CCDC39: variants seen among roughly 807,000 people sequenced by gnomAD.
CCDC39 encodes coiled-coil domain-containing protein 39.
In CCDC39, 113 loss-of-function variants were observed where a neutral mutation model predicts 121.0. The ratio of observed to expected loss-of-function variants is 0.93; its 90% CI spans 0.80 to 1.09. The LOEUF is 1.09. CCDC39 is among the 50% of genes least tolerant of loss of function. The pLI is 0.00. For synonymous variants in CCDC39, 349 were observed against 352.2 expected, an observed-to-expected ratio of 0.99 and a Z score of 0.10; for missense variants, 1,063 against 1,074.7, an observed-to-expected ratio of 0.99 and a Z score of 0.15.
chr3:180,635,253 A>T (rs961629369), intron 13 of CCDC39, among the ~76,000 whole-genome samples: 3 of 152,160 alleles, frequency 2.0e-5, no homozygotes, highest in African/African-American at 7.2e-5. Context: ...TCGACATGAG[A>T]TTACAATTGT....
intron 6 of CCDC39, among the ~76,000 whole-genome samples, chr3:180,657,929 C>T (rs1711623927): frequency 6.6e-6 from 1 of 152,102 alleles, no homozygotes; most frequent in African/African-American, 2.4e-5. Context: ...TGTTTGAAAG[C>T]AATGAGAAGT....
intron 14 of CCDC39, among the ~76,000 whole-genome samples, chr3:180,623,962 G>A (rs1459225326): frequency 6.6e-6 from 1 of 152,058 alleles, no homozygotes; most frequent in Admixed American, 6.6e-5. Flanking sequence ...TCTAAAGCCC[G>A]ATTTAAGTCC....
At chr3:180,672,844 A>G (rs1363113273) in intron 1 of CCDC39, among the ~76,000 whole-genome samples, 2 of 152,244 alleles carry the variant, frequency 1.3e-5, no homozygotes, top group Non-Finnish European at 2.9e-5. Flanking sequence ...GAAAGGATTT[A>G]TCATTATTGA....
At chr3:180,626,040 G>A (rs964337576) in intron 14 of CCDC39, among the ~76,000 whole-genome samples, 1 of 152,046 alleles carries the variant, frequency 6.6e-6, no homozygotes. Context: ...GGCAGCTGGT[G>A]TGATGCAGGT....
intron 6 of CCDC39, among the ~76,000 whole-genome samples, chr3:180,658,020 G>C (rs541764545): frequency 3.3e-5 from 5 of 149,902 alleles, no homozygotes; most frequent in African/African-American, 1.2e-4. Context: ...GATTGCCTGC[G>C]GTCAGGAGTT....
chr3:180,619,761 A>G, intron 15 of CCDC39, 50 bp downstream of exon 15: 3 of 1,106,156 alleles, frequency 2.7e-6, no homozygotes, highest in Non-Finnish European at 2.5e-6. Flanking sequence ...CCTTTTAACT[A>G]TACACTCGTC....
At chr3:180,670,312 G>GGTGTGT (rs34194996) in intron 1 of CCDC39, among the ~76,000 whole-genome samples, 3 of 148,292 alleles carry the variant, frequency 2.0e-5, no homozygotes, top group African/African-American at 4.9e-5. Context: ...GTATGGAAGG[G>GGTGTGT]GTGTGTGTGT....
At chr3:180,638,511 C>A (rs1385869385) in intron 13 of CCDC39, among the ~76,000 whole-genome samples, 1 of 152,012 alleles carries the variant, frequency 6.6e-6, no homozygotes, top group Non-Finnish European at 1.5e-5. Context: ...AAACAAAACA[C>A]ATACGTAATT....
rs201308407 is a variant in CCDC39 at position 180,663,915 on chromosome 3, A to G, written c.162T>C (p.Ser54=). Residue 54 remains serine, a synonymous_variant, in exon 2 of 20, where the codon TCT becomes TCC. Transcript: ENST00000476379. ...TAACATTTTTGAAGTGAGAAGTCAT[A>G]GAATTAATTCGCTCTTCATACTCAC... is the stretch of plus-strand genomic sequence containing the variant. ...ELREYEERIN[S]MTSHFKNVKQ... 8.6e-5 allele frequency: 138 copies of G among 1,612,186 alleles called. 1 individual carries two copies. In the African/African-American group the frequency reaches 1.6e-3, roughly 19 times the overall value.
Position 180,648,193 on chromosome 3 carries a change from A to C in CCDC39, c.1334T>G (p.Leu445Trp), listed in dbSNP as rs184796738. ...GCTGTACATAATTTCTTGCTGCTTC[A>C]AGGTTTCAAAATCCAGTTTTTGTAA... is the stretch of plus-strand genomic sequence containing the variant. ...HQLQKLDFETLKQQEIMYSQD... is the reference protein window; with the variant it reads ...HQLQKLDFETWKQQEIMYSQD... Residue 445 changes from leucine to tryptophan, a missense_variant, in exon 10 of 20, where the codon TTG becomes TGG. Physicochemically the swap from Leu to Trp is moderately conservative, Grantham distance 61. Transcript: ENST00000476379. 4 of 1,613,316 alleles carry C rather than the reference A, an allele frequency of 2.5e-6. No individual in the cohort carries two copies. The African/African-American group carries it at 5.3e-5, about 22-fold the overall frequency.
chr3:180,616,919 A>G lies in CCDC39; in HGVS notation c.2313T>C (p.Val771=). The stretch of plus-strand genomic sequence containing the variant: ...CCTGCTTCTCTGATAACTTTTCTTT[A>G]ACATTATTTGCCAAATGTTCTATAA... ...LDVIEHLANN[V]KEKLSEKQAY... The change falls in exon 17 of 20, where the codon GTT becomes GTC. Residue 771 remains valine, a synonymous_variant. Transcript: ENST00000476379. 6.5e-7 allele frequency: 1 copy of G among 1,533,930 alleles called. No individual in the cohort carries two copies. The highest frequency in any genetic ancestry group is 9.0e-7 in the Non-Finnish European group (1 of 1,115,702).
intron 1 of CCDC39, among the ~76,000 whole-genome samples, chr3:180,664,686 A>G (rs918048440): frequency 2.6e-5 from 4 of 151,068 alleles, no homozygotes; most frequent in African/African-American, 9.8e-5. Flanking sequence ...CCATTATTAA[A>G]CCACAAGAGA....
chr3:180,622,020 T>C lies in CCDC39; in HGVS notation c.1999-2050A>G, dbSNP rs111350344. 7.1e-3 allele frequency among the ~76,000 whole-genome samples: 1,074 copies of C among 152,234 alleles called. 25 individuals are homozygous for C. Among genetic ancestry groups the C allele is most frequent in the African/African-American group, 0.024 (985 of 41,574 alleles). ...CTGTAGATTCCTTTGGGCACCATGG[T>C]CATTTTACCAATATTAATTCTTCCA... On this transcript the variant is annotated intron_variant, in intron 14 of 19. Coordinates refer to ENST00000476379, the MANE Select transcript of CCDC39 (RefSeq NM_181426.2).
At position 180,677,168 on chromosome 3, in the gene CCDC39, T is replaced by TTATATATATATATATA. The variant is rs58408770; in HGVS notation, c.90+2107_90+2122dup. On this transcript the variant is annotated intron_variant, in intron 1 of 19. Coordinates refer to ENST00000476379, the MANE Select transcript of CCDC39 (RefSeq NM_181426.2). The stretch of plus-strand genomic sequence containing the variant: ...TATAATAATAATAATAATAATAATT[T>TTATATATATATATATA]TATATATATATATATATATATATAT... Among the ~76,000 whole-genome samples the TTATATATATATATATA allele has an allele frequency of 3.7e-4, 13 of 35,176 alleles. 1 individual carries two copies. Among genetic ancestry groups the TTATATATATATATATA allele is most frequent in the Non-Finnish European group, 4.3e-4 (8 of 18,758 alleles). 23.1% of individuals were successfully genotyped at this position (35,176 alleles called of 152,430 possible). A position where few individuals can be genotyped will look rare whatever the true frequency, so the allele number is the denominator to read the frequency against.
At chr3:180,634,515 G>C (rs1717780317) in intron 13 of CCDC39, among the ~76,000 whole-genome samples, 1 of 152,056 alleles carries the variant, frequency 6.6e-6, no homozygotes, top group Non-Finnish European at 1.5e-5. Flanking sequence ...GGAGACAAAA[G>C]ACCCTCAGCC....
chr3:180,642,901 A>T (rs1012288301), intron 12 of CCDC39, among the ~76,000 whole-genome samples: 4 of 152,188 alleles, frequency 2.6e-5, no homozygotes, highest in African/African-American at 9.6e-5. Flanking sequence ...TGTGTCACAA[A>T]CACTGAATAA....
intron 1 of CCDC39, among the ~76,000 whole-genome samples, chr3:180,670,488 T>C (rs1183063942): frequency 6.6e-6 from 1 of 152,166 alleles, no homozygotes; most frequent in Admixed American, 6.5e-5. Flanking sequence ...AAAGATTTGG[T>C]TAAACCAATA....
chr3:180,632,670 G>A (rs558545640), intron 13 of CCDC39, among the ~76,000 whole-genome samples: 2 of 151,992 alleles, frequency 1.3e-5, no homozygotes, highest in East Asian at 3.8e-4. Context: ...CTGAGAATCA[G>A]AAAGGTACAA....
intron 13 of CCDC39, among the ~76,000 whole-genome samples, chr3:180,640,821 C>CT (rs971056445): frequency 6.6e-5 from 10 of 151,668 alleles, no homozygotes; most frequent in South Asian, 2.1e-4. Flanking sequence ...CTCCCAATGG[C>CT]TTTTTTTTCC....
Sources: gnomAD v4.1 joint callset for allele counts (sites outside exome capture counted in the v4.1 genomes callset) on GRCh38, gnomAD v4.1.1 for gene constraint, MANE v1.5 for transcripts, NCBI Gene and HGNC (gene_info 2026-07-23, HGNC 2026-07-21) for gene names.